The following ENOSF1 variants were observed in gnomAD, a reference collection of about 807,000 sequenced individuals.
ENOSF1 encodes mitochondrial enolase superfamily member 1.
Under a neutral mutation model 68.2 loss-of-function variants are expected in ENOSF1, and 73 were observed. That is an observed-to-expected ratio of 1.07 (90% CI 0.89 to 1.30). The LOEUF is 1.30. ENOSF1 is among the 50% of genes most tolerant of loss of function. The pLI is 0.00. For synonymous variants in ENOSF1, 223 were observed against 210.4 expected (o/e 1.06, Z -0.52); for missense variants, 589 against 554.5 (o/e 1.06, Z -0.62).
At position 672,760 on chromosome 18, in the gene ENOSF1, C is replaced by CT. The variant is rs528129709; in HGVS notation, c.*1544dup. Reference sequence around the variant, plus strand: ...AGGATCATACTCCTGTAAAATAGAACTTTGTTGATCACATCCTGTGTACTT... The same window carrying CT: ...AGGATCATACTCCTGTAAAATAGAACTTTTGTTGATCACATCCTGTGTACTT... On this transcript the variant is annotated 3_prime_UTR_variant, in exon 16 of 16. Coordinates refer to ENST00000647584, the MANE Select transcript of ENOSF1 (RefSeq NM_017512.7). 108 of 1,341,534 alleles carry CT rather than the reference C, an allele frequency of 8.1e-5. No individual in the cohort carries two copies. The African/African-American group carries it at 1.4e-3, about 18-fold the overall frequency. 83.1% of individuals were successfully genotyped at this position (1,341,534 alleles called of 1,614,324 possible).
intron 12 of ENOSF1, 103 bp downstream of exon 12, chr18:678,593 T>C (rs1598536928): frequency 4.4e-6 from 5 of 1,142,906 alleles, no homozygotes; most frequent in Admixed American, 1.8e-5. Context: ...CAACTCAAAG[T>C]ACAGCAGGTG....
chr18:677,325 A>G lies in ENOSF1; in HGVS notation c.1148+20T>C. The G allele has an allele frequency of 3.1e-6, 5 of 1,598,898 alleles. No homozygotes were observed. The highest frequency in any genetic ancestry group is 1.7e-4 in the Middle Eastern group (1 of 6,034). ...GAGGGACCCTACTGAAACAGAAAGT[A>G]TTAATGCCACATTACTGACCTATTT... On this transcript the variant is annotated intron_variant, in intron 14 of 15. Transcript: ENST00000647584.
intron 1 of ENOSF1, among the ~76,000 whole-genome samples, chr18:708,638 G>A (rs2079190316): frequency 6.6e-6 from 1 of 152,228 alleles, no homozygotes; most frequent in African/African-American, 2.4e-5. Context: ...GCTTCTTGAA[G>A]AGGGAGAGCG....
At chr18:696,644 T>C (rs1345105110) in intron 3 of ENOSF1, among the ~76,000 whole-genome samples, 1 of 152,156 alleles carries the variant, frequency 6.6e-6, no homozygotes, top group African/African-American at 2.4e-5. Flanking sequence ...GAGATAGCTC[T>C]TAGGACCCAA....
At chr18:685,547 T>C (rs1289609916) in intron 10 of ENOSF1, among the ~76,000 whole-genome samples, 4 of 152,168 alleles carry the variant, frequency 2.6e-5, no homozygotes, top group Non-Finnish European at 5.9e-5. Context: ...TCCTTACATT[T>C]ATCTCAGCTG....
At chr18:707,679 T>C (rs2079078086) in intron 1 of ENOSF1, 1 of 152,192 alleles carries the variant, frequency 6.6e-6, no homozygotes, top group Non-Finnish European at 1.5e-5. Context: ...TTACTGTTAT[T>C]ATTCTATAAT....
At chr18:712,135 A>C (rs1388584830) in intron 1 of ENOSF1, among the ~76,000 whole-genome samples, 2 of 152,230 alleles carry the variant, frequency 1.3e-5, no homozygotes, top group Non-Finnish European at 2.9e-5. Flanking sequence ...TGTGAGTCGT[A>C]AAAGTAAAAC....
rs975876176 is a variant in ENOSF1, at chr18:671,510, G to A, written c.*2795C>T. ...ACCTTCTCTTGATAAAAGGTTGACT[G>A]TGGAACAGGCATCTGCTCAATGCTG... On this transcript the variant is annotated 3_prime_UTR_variant, in exon 16 of 16. Coordinates refer to ENST00000647584, the MANE Select transcript of ENOSF1 (RefSeq NM_017512.7). 1.8e-6 allele frequency: 2 copies of A among 1,100,342 alleles called. No homozygotes were observed. Among genetic ancestry groups the A allele is most frequent in the Admixed American group, 3.4e-5 (2 of 58,368 alleles). 68.2% of individuals were successfully genotyped at this position (1,100,342 alleles called of 1,614,324 possible).
chr18:684,344 A>G (rs1038388014), intron 10 of ENOSF1, among the ~76,000 whole-genome samples: 1 of 151,988 alleles, frequency 6.6e-6, no homozygotes, highest in African/African-American at 2.4e-5. Flanking sequence ...GCTGGGCAAC[A>G]TAGCAAAATC....
chr18:665,647 C>T (rs1481486914), downstream of ENOSF1, among the ~76,000 whole-genome samples: 2 of 101,590 alleles, frequency 2.0e-5, no homozygotes, highest in Non-Finnish European at 3.7e-5. Flanking sequence ...CTCTTGTGGG[C>T]ATTTAGTGCT....
rs1247528542 is a variant in ENOSF1 at position 672,080 on chromosome 18, T to G, written c.*2225A>C. 6.6e-6 allele frequency: 1 copy of G among 152,256 alleles called. No individual in the cohort carries two copies. The highest frequency in any genetic ancestry group is 1.5e-5 in the Non-Finnish European group (1 of 68,064). The allele number at this position is 152,256 out of a possible 1,614,324, so 9.4% of individuals were successfully genotyped here. ...CAGGCATAAGCCACCACCCTGGCCATAAATATTTTTTGTTAATTTTACATT... is the reference window on the plus strand; with the variant it reads ...CAGGCATAAGCCACCACCCTGGCCAGAAATATTTTTTGTTAATTTTACATT... On this transcript the variant is annotated 3_prime_UTR_variant, in exon 16 of 16. Transcript: ENST00000647584.
At chr18:674,685 AT>A (rs1176839010) in intron 15 of ENOSF1, among the ~76,000 whole-genome samples, 1 of 151,784 alleles carries the variant, frequency 6.6e-6, no homozygotes, top group African/African-American at 2.4e-5. Flanking sequence ...TGCCCGGCTA[AT>A]TTTTTGTATT....
chr18:666,077 T>G (rs1383969257), downstream of ENOSF1, among the ~76,000 whole-genome samples: 2 of 103,530 alleles, frequency 1.9e-5, 1 homozygote, highest in Admixed American at 1.7e-4. Flanking sequence ...CCTTGTTAAC[T>G]TTCTGTCTCG....
chr18:686,598 G>A (rs1445692422), intron 9 of ENOSF1, among the ~76,000 whole-genome samples: 1 of 152,130 alleles, frequency 6.6e-6, no homozygotes, highest in Non-Finnish European at 1.5e-5. Flanking sequence ...CACTTGTAGG[G>A]AGCTCCTTAA....
chr18:668,636 T>C (rs779631162), downstream of ENOSF1, among the ~76,000 whole-genome samples: 1 of 152,246 alleles, frequency 6.6e-6, no homozygotes, highest in Non-Finnish European at 1.5e-5. Context: ...TACTATATTC[T>C]ACATAAGATA....
intron 4 of ENOSF1, 62 bp from the exon 5 acceptor site, chr18:693,970 A>G: frequency 6.5e-7 from 1 of 1,546,166 alleles, no homozygotes; most frequent in African/African-American, 1.8e-5. Flanking sequence ...TTTTCCTGAC[A>G]GTAAACGCGT....
At chr18:709,678 C>T (rs780372258) in intron 1 of ENOSF1, among the ~76,000 whole-genome samples, 4 of 151,588 alleles carry the variant, frequency 2.6e-5, no homozygotes, top group Admixed American at 6.6e-5. Context: ...GGCTGAGGTA[C>T]GAGAATCATT....
rs61749935 is a variant in ENOSF1, at chr18:672,934, T to G, written c.*1371A>C. The G allele has an allele frequency of 4.4e-4, 696 of 1,597,498 alleles. 4 individuals are homozygous for G. Among genetic ancestry groups the G allele is most frequent in the Middle Eastern group, 1.7e-4 (1 of 5,990 alleles). ...TTGAGAAAATTGATGACTTCAAAGC[T>G]GAAGACTTTCAGATTGAAGGGTACA... On this transcript the variant is annotated 3_prime_UTR_variant, in exon 16 of 16. Transcript: ENST00000647584.
At position 673,064 on chromosome 18, in the gene ENOSF1, A is replaced by C; in HGVS notation, c.*1241T>G. The C allele has an allele frequency of 7.0e-7, 1 of 1,432,576 alleles. No individual in the cohort carries two copies. The highest frequency in any genetic ancestry group is 2.3e-5 in the East Asian group (1 of 43,272). The allele number at this position is 1,432,576 out of a possible 1,614,324, so 88.7% of individuals were successfully genotyped here. A position where few individuals can be genotyped will look rare whatever the true frequency, so the allele number is the denominator to read the frequency against. On this transcript the variant is annotated 3_prime_UTR_variant, in exon 16 of 16. Transcript: ENST00000647584. ...GGGTTGGGCTGGATGCCGAGGTAAA[A>C]GTTCTTTTTGCTCTAAAAGAAAAAG...
Sources: gnomAD v4.1 joint callset for allele counts (sites outside exome capture counted in the v4.1 genomes callset) on GRCh38, gnomAD v4.1.1 for gene constraint, MANE v1.5 for transcripts, NCBI Gene and HGNC (gene_info 2026-07-23, HGNC 2026-07-21) for gene names.